The following ZNF532 variants were observed in gnomAD, a reference collection of about 807,000 sequenced individuals.
ZNF532 encodes the protein zinc finger protein 532.
Under a neutral mutation model 89.3 loss-of-function variants are expected in ZNF532, and 22 were observed. The observed-to-expected ratio is 0.25, with a 90% CI of 0.18 to 0.35. The LOEUF is 0.35. Ranked by LOEUF, ZNF532 falls within the 10% of genes least tolerant of loss-of-function variation. The probability of loss-of-function intolerance (pLI) is 1.00; values close to 1 mark genes in which losing one functional copy is unlikely to be tolerated. For missense variants in ZNF532, 1,132 were observed against 1,643.4 expected, an observed-to-expected ratio of 0.69 and a Z score of 5.38; for synonymous variants, 606 against 649.6, an observed-to-expected ratio of 0.93 and a Z score of 1.02.
chr18:58,897,426 A>G (rs548112259), intron 2 of ZNF532, among the ~76,000 whole-genome samples: 5 of 152,370 alleles, frequency 3.3e-5, no homozygotes, highest in South Asian at 4.1e-4. Context: ...TTTGCAATCT[A>G]AAATGACTGT....
At chr18:58,891,389 G>C in intron 2 of ZNF532, among the ~76,000 whole-genome samples, 1 of 152,210 alleles carries the variant, frequency 6.6e-6, no homozygotes, top group Middle Eastern at 3.2e-3. Context: ...AATTAGCTGG[G>C]CATCATGGCG....
At chr18:58,863,514 GCC>G, upstream of ZNF532, 3 of 5,992 alleles carry the variant, frequency 5.0e-4, no homozygotes, top group African/African-American at 5.4e-4. Flanking sequence ...AGCCGCCGCC[GCC>G]GCCGCCGCCC....
chr18:58,976,688 A>C (rs2147584860), intron 7 of ZNF532, among the ~76,000 whole-genome samples: 1 of 152,238 alleles, frequency 6.6e-6, no homozygotes, highest in South Asian at 2.1e-4. Flanking sequence ...ACCTGCCATC[A>C]TGCCCAGCTA....
Position 58,919,695 on chromosome 18 carries a change from C to T in ZNF532, c.1408C>T (p.Leu470Phe). The T allele has an allele frequency of 1.9e-6, 3 of 1,613,702 alleles. No individual in the cohort carries two copies. The highest frequency in any genetic ancestry group is 2.5e-6 in the Non-Finnish European group (3 of 1,179,830). Residue 470 changes from leucine (L) to phenylalanine (F), a missense_variant, in exon 3 of 10, where the codon CTC (leucine) becomes TTC (phenylalanine). Coordinates refer to ENST00000591808, the MANE Select transcript of ZNF532 (RefSeq NM_001375912.1). The surrounding 1 kb of genome is among the most constrained non-coding windows in gnomAD (Gnocchi z 6.1). Reference sequence around the variant, plus strand: ...AGGATCCCAAGTCATTAATTTGAAGCTCGCTAACAACACCACGGTGAAAGC... The same window carrying T: ...AGGATCCCAAGTCATTAATTTGAAGTTCGCTAACAACACCACGGTGAAAGC... The part of the protein sequence containing the change: ...TAGSQVINLK[L>F]ANNTTVKATV...
At chr18:58,962,900 C>T (rs1368214749) in intron 7 of ZNF532, among the ~76,000 whole-genome samples, 8 of 151,694 alleles carry the variant, frequency 5.3e-5, no homozygotes, top group Non-Finnish European at 7.4e-5. Flanking sequence ...CGCACCCAGC[C>T]GGCCCTGGCA....
At chr18:58,912,081 T>C (rs2060317089) in intron 2 of ZNF532, among the ~76,000 whole-genome samples, 1 of 152,138 alleles carries the variant, frequency 6.6e-6, no homozygotes, top group South Asian at 2.1e-4. Flanking sequence ...GTGGAATAAC[T>C]GCAGCAAAGG....
chr18:58,954,341 A>G (rs1346235748), intron 7 of ZNF532: 6 of 806,668 alleles, frequency 7.4e-6, no homozygotes, highest in Non-Finnish European at 9.0e-6. Flanking sequence ...AATAGTAAGT[A>G]TATGTCTCCA....
In ZNF532 at chr18:58,920,525, C is replaced by T. The variant is rs371822739; in HGVS notation, c.2238C>T (p.Pro746=). ...CAGCCATGCCCCTAGATGAAGACCC[C>T]TCCAAACTGTGTAGACATAGTCTAA... ...ITPAMPLDED[P]SKLCRHSLKC... is the part of the protein sequence containing the mutation. Residue 746 remains proline (P), a synonymous_variant, in exon 3 of 10, where the codon CCC becomes CCT. Transcript: ENST00000591808. 26 of 1,613,880 alleles carry T rather than the reference C, an allele frequency of 1.6e-5. No homozygotes were observed. In the African/African-American group the frequency reaches 2.7e-4, roughly 17 times the overall value.
rs536962527 is a variant in ZNF532 at position 58,891,214 on chromosome 18, C to T, written c.-18+25635C>T. Among the ~76,000 whole-genome samples the T allele has an allele frequency of 9.2e-5, 14 of 152,132 alleles. No individual in the cohort carries two copies. The East Asian group carries it at 1.4e-3, about 15-fold the overall frequency. On this transcript the variant is annotated intron_variant, in intron 2 of 9. Transcript: ENST00000591808. ...GATCACAGGCATGAGCCACTGCGCC[C>T]GGCCTCTCTCTTTCCTCTTAAAAGG... is the stretch of plus-strand genomic sequence containing the variant.
chr18:58,887,591 G>T (rs981359839), intron 2 of ZNF532, among the ~76,000 whole-genome samples: 5 of 152,182 alleles, frequency 3.3e-5, no homozygotes, highest in African/African-American at 1.2e-4. Context: ...TCTGGTGGGA[G>T]AAGAGGGGAA....
In ZNF532 at chr18:58,984,612, C is replaced by G; in HGVS notation, c.*146C>G. 1.1e-6 allele frequency: 1 copy of G among 912,660 alleles called. No individual in the cohort carries two copies. Among genetic ancestry groups the G allele is most frequent in the Non-Finnish European group, 1.6e-6 (1 of 615,386 alleles). 56.5% of individuals were successfully genotyped at this position (912,660 alleles called of 1,614,324 possible). A position where few individuals can be genotyped will look rare whatever the true frequency, so the allele number is the denominator to read the frequency against. On this transcript the variant is annotated 3_prime_UTR_variant, in exon 10 of 10. Coordinates refer to ENST00000591808, the MANE Select transcript of ZNF532 (RefSeq NM_001375912.1). ...TTCAATGTACCTTCCTTCACCTCGT[C>G]GTATATATCCTCGATAAGTATTAAA...
chr18:58,900,745 C>A lies in ZNF532; in HGVS notation c.-17-17526C>A, dbSNP rs1037745715. Among the ~76,000 whole-genome samples, 37 of 152,180 alleles carry A rather than the reference C, an allele frequency of 2.4e-4. 1 individual carries two copies. The highest frequency in any genetic ancestry group is 2.2e-3 in the Admixed American group (33 of 15,282). On this transcript the variant is annotated intron_variant, in intron 2 of 9. Coordinates refer to ENST00000591808, the MANE Select transcript of ZNF532 (RefSeq NM_001375912.1). ...GACATACAATTCACATACCATGCCA[C>A]CTGCCTCTTTAAAGCACACAGGTCA...
At chr18:58,887,894 G>C (rs2058416942) in intron 2 of ZNF532, among the ~76,000 whole-genome samples, 1 of 152,216 alleles carries the variant, frequency 6.6e-6, no homozygotes, top group African/African-American at 2.4e-5. Flanking sequence ...CCCCGGGGCA[G>C]AGGGGAGCAG....
chr18:58,944,477 C>T (rs1306904268), intron 5 of ZNF532, among the ~76,000 whole-genome samples: 1 of 152,056 alleles, frequency 6.6e-6, no homozygotes, highest in Non-Finnish European at 1.5e-5. Flanking sequence ...TTTCAAAGCC[C>T]TGCACAACTC....
At chr18:58,886,458 C>A (rs1034349575) in intron 2 of ZNF532, among the ~76,000 whole-genome samples, 1 of 152,048 alleles carries the variant, frequency 6.6e-6, no homozygotes, top group South Asian at 2.1e-4. Context: ...TCTAACCTCA[C>A]TTTTAATCAG....
At chr18:58,947,728 T>TA (rs2063786129) in intron 5 of ZNF532, among the ~76,000 whole-genome samples, 2 of 149,472 alleles carry the variant, frequency 1.3e-5, no homozygotes, top group Admixed American at 6.6e-5. Context: ...AAAAAAATCT[T>TA]TAAAAAAAAA....
intron 2 of ZNF532, among the ~76,000 whole-genome samples, chr18:58,867,937 A>G (rs1019074214): frequency 6.6e-6 from 1 of 152,186 alleles, no homozygotes; most frequent in South Asian, 2.1e-4. Flanking sequence ...ATTTTAAGGA[A>G]GGTCTAGGAA....
At chr18:58,910,660 A>G (rs976907662) in intron 2 of ZNF532, among the ~76,000 whole-genome samples, 2 of 151,858 alleles carry the variant, frequency 1.3e-5, no homozygotes, top group African/African-American at 4.8e-5. Context: ...AGAGAGAGAG[A>G]GAGGGGGTTT....
intron 7 of ZNF532, among the ~76,000 whole-genome samples, chr18:58,971,941 C>T (rs1001749159): frequency 7.2e-5 from 11 of 152,246 alleles, no homozygotes; most frequent in African/African-American, 1.9e-4. Context: ...TGGTGGCTCA[C>T]GCCTGTAATT....
Sources: gnomAD v4.1 joint callset for allele counts (sites outside exome capture counted in the v4.1 genomes callset) on GRCh38, gnomAD v4.1.1 for gene constraint, Gnocchi (gnomAD v3.1) non-coding constraint, MANE v1.5 for transcripts, NCBI Gene and HGNC (gene_info 2026-07-23, HGNC 2026-07-21) for gene names.